Variants in DLGAP2 observed in about 807,000 individuals in gnomAD.
DLGAP2 encodes DLG associated protein 2.
In DLGAP2, 26 loss-of-function variants were observed where a neutral mutation model predicts 100.3. The ratio of observed to expected loss-of-function variants is 0.26; its 90% CI spans 0.19 to 0.36. DLGAP2 has a LOEUF of 0.36. DLGAP2 is among the 10% of genes least tolerant of loss of function. The pLI is 1.00. For missense variants in DLGAP2, 1,858 were observed against 1,453.2 expected, an observed-to-expected ratio of 1.28 and a Z score of -4.53; for synonymous variants, 886 against 630.1, an observed-to-expected ratio of 1.41 and a Z score of -6.08.
intron 2 of DLGAP2, among the ~76,000 whole-genome samples, chr8:1,120,348 C>T (rs775501391): frequency 2.6e-5 from 4 of 152,192 alleles, no homozygotes; most frequent in African/African-American, 4.8e-5. Flanking sequence ...GAGAACAATA[C>T]GAAGGGGCAC....
chr8:1,365,024 C>G (rs1802077336), intron 3 of DLGAP2, among the ~76,000 whole-genome samples: 1 of 152,168 alleles, frequency 6.6e-6, no homozygotes, highest in African/African-American at 2.4e-5. Flanking sequence ...ACACGCACAG[C>G]TAGGAAGAGC....
At chr8:1,623,612 G>GATGACGTGGCCCCAGTGTGCC (rs1797412760) in intron 6 of DLGAP2, among the ~76,000 whole-genome samples, 1 of 148,776 alleles carries the variant, frequency 6.7e-6, no homozygotes. Flanking sequence ...ACCAGTGTGC[G>GATGACGTGGCCCCAGTGTGCC]ATGACGTGGC....
intron 3 of DLGAP2, among the ~76,000 whole-genome samples, chr8:1,452,595 G>A (rs1420291967): frequency 2.0e-5 from 3 of 152,206 alleles, no homozygotes; most frequent in African/African-American, 4.8e-5. Context: ...GTGGAGGCAG[G>A]ACACAGGGAA....
At chr8:821,423 C>G (rs902221141) in intron 1 of DLGAP2, among the ~76,000 whole-genome samples, 2 of 152,194 alleles carry the variant, frequency 1.3e-5, no homozygotes, top group African/African-American at 2.4e-5. Context: ...TAAAAAAACA[C>G]AAGTGTTCGT....
rs116669372 is a variant in DLGAP2 at position 1,372,469 on chromosome 8, G to T, written c.106+113586G>T. Among the ~76,000 whole-genome samples, 146 of 152,276 alleles carry T rather than the reference G, an allele frequency of 9.6e-4. 3 individuals are homozygous for T. Among genetic ancestry groups the T allele is most frequent in the African/African-American group, 3.4e-3 (140 of 41,574 alleles). ...GTCGTGCGAGTCCCCTCCACAGCAG[G>T]GCTTCTCACCCTCAGCTCTCCTGAC... On this transcript the variant is annotated intron_variant, in intron 3 of 14. Transcript: ENST00000637795.
chr8:1,575,013 G>C (rs1802908024), intron 6 of DLGAP2, among the ~76,000 whole-genome samples: 1 of 152,124 alleles, frequency 6.6e-6, no homozygotes, highest in Non-Finnish European at 1.5e-5. Context: ...CACTACACAG[G>C]GACAGAGAGA....
intron 2 of DLGAP2, among the ~76,000 whole-genome samples, chr8:918,910 G>C (rs1171844445): frequency 6.6e-6 from 1 of 152,162 alleles, no homozygotes; most frequent in Non-Finnish European, 1.5e-5. Context: ...TGAAGACTGA[G>C]CTTTCAGTGC....
chr8:1,173,296 G>A (rs1797172156), intron 2 of DLGAP2, among the ~76,000 whole-genome samples: 1 of 152,210 alleles, frequency 6.6e-6, no homozygotes, highest in African/African-American at 2.4e-5. Flanking sequence ...CCCCTACTGG[G>A]GGGTGCCTCC....
At chr8:770,009 G>A (rs1329984191) in intron 1 of DLGAP2, among the ~76,000 whole-genome samples, 1 of 152,128 alleles carries the variant, frequency 6.6e-6, no homozygotes, top group Non-Finnish European at 1.5e-5. Context: ...AAACATTGAG[G>A]GAGAGATAGC....
At chr8:1,619,971 G>C (rs568483767) in intron 6 of DLGAP2, 1 of 152,120 alleles carries the variant, frequency 6.6e-6, no homozygotes, top group African/African-American at 2.4e-5. Context: ...AATGATCCCA[G>C]GCCCGCCTCT....
chr8:1,268,021 G>A (rs1369232843), intron 3 of DLGAP2, among the ~76,000 whole-genome samples: 2 of 152,168 alleles, frequency 1.3e-5, no homozygotes, highest in Non-Finnish European at 2.9e-5. Context: ...AGAGTGAAAC[G>A]GGGATGAATT....
chr8:1,022,756 T>G (rs1379816604), intron 2 of DLGAP2, among the ~76,000 whole-genome samples: 1 of 149,392 alleles, frequency 6.7e-6, no homozygotes, highest in Non-Finnish European at 1.5e-5. Context: ...CAATCCACCC[T>G]CCCTGGGAGT....
At chr8:948,244 A>G (rs1225428251) in intron 2 of DLGAP2, among the ~76,000 whole-genome samples, 1 of 152,148 alleles carries the variant, frequency 6.6e-6, no homozygotes, top group Non-Finnish European at 1.5e-5. Flanking sequence ...GGCTCCCCCT[A>G]CGGCCCTGTG....
At chr8:799,042 G>A (rs1176892631) in intron 1 of DLGAP2, among the ~76,000 whole-genome samples, 1 of 152,232 alleles carries the variant, frequency 6.6e-6, no homozygotes, top group Admixed American at 6.5e-5. Context: ...CACATGTTGG[G>A]ATTAAGAGAC....
At chr8:911,000 C>A (rs529270207) in intron 2 of DLGAP2, among the ~76,000 whole-genome samples, 1 of 152,044 alleles carries the variant, frequency 6.6e-6, no homozygotes, top group African/African-American at 2.4e-5. Flanking sequence ...TAGTCCCAGA[C>A]GCCTGCCCAT....
At chr8:1,517,249 A>G (rs7006701) in intron 4 of DLGAP2, among the ~76,000 whole-genome samples, 79,627 of 151,904 alleles carry the variant, frequency 0.52, 21,236 homozygotes, top group South Asian at 0.7. Flanking sequence ...GGAAGAAGTC[A>G]AGCCCTCTGT....
intron 3 of DLGAP2, among the ~76,000 whole-genome samples, chr8:1,418,669 T>A (rs1265988377): frequency 2.6e-5 from 4 of 152,052 alleles, no homozygotes; most frequent in Non-Finnish European, 4.4e-5. Flanking sequence ...TTTGCTACAC[T>A]CACGCCAATA....
Position 1,122,196 on chromosome 8 carries a change from T to C in DLGAP2, c.74-136655T>C, listed in dbSNP as rs930683798. ...GATCATTCGGTTCCACAGCAGACTCTCATTTCATGGAAGAATGAAATGGGA... is the reference window on the plus strand; with the variant it reads ...GATCATTCGGTTCCACAGCAGACTCCCATTTCATGGAAGAATGAAATGGGA... On this transcript the variant is annotated intron_variant, in intron 2 of 14. Transcript: ENST00000637795. 9.2e-5 allele frequency among the ~76,000 whole-genome samples: 14 copies of C among 152,196 alleles called. 1 individual carries two copies. Among genetic ancestry groups the C allele is most frequent in the Admixed American group, 8.5e-4 (13 of 15,282 alleles).
At chr8:1,690,703 CAAAAAAAAAAA>C (rs71190752) in intron 12 of DLGAP2, among the ~76,000 whole-genome samples, 1 of 62,086 alleles carries the variant, frequency 1.6e-5, no homozygotes, top group Non-Finnish European at 3.2e-5. Flanking sequence ...GACCCTATCT[CAAAAAAAAAAA>C]AAAAAAAAAA....
Sources: gnomAD v4.1 joint callset for allele counts (sites outside exome capture counted in the v4.1 genomes callset) on GRCh38, gnomAD v4.1.1 for gene constraint, MANE v1.5 for transcripts, NCBI Gene and HGNC (gene_info 2026-07-23, HGNC 2026-07-21) for gene names.